The following EYS variants were observed in gnomAD, a reference collection of about 807,000 sequenced individuals.
EYS encodes the protein protein eyes shut homolog.
EYS carries 250 observed loss-of-function variants against 282.1 expected under a neutral mutation model. That is an observed-to-expected ratio of 0.89 (90% CI 0.80 to 0.98). The LOEUF (loss-of-function observed/expected upper bound fraction) is 0.98. Among genes scored for constraint, EYS ranks in the 50% least tolerant of loss-of-function variants. The pLI is 0.00. For synonymous variants in EYS, 1,355 were observed against 1,282.9 expected (o/e 1.06, Z -1.20); for missense variants, 4,016 against 3,709.0 (o/e 1.08, Z -2.15).
chr6:64,578,905 T>C (rs1765974996), intron 26 of EYS, among the ~76,000 whole-genome samples: 1 of 152,140 alleles, frequency 6.6e-6, no homozygotes, highest in Admixed American at 6.6e-5. Context: ...TTTCAAAATA[T>C]TGCTGATTGA....
At chr6:65,579,959 A>G (rs1037260533) in intron 2 of EYS, among the ~76,000 whole-genome samples, 1 of 152,154 alleles carries the variant, frequency 6.6e-6, no homozygotes. Flanking sequence ...GGTAAGTTAC[A>G]TAAAATTTAA....
intron 26 of EYS, among the ~76,000 whole-genome samples, chr6:64,452,113 C>A (rs534926113): frequency 6.6e-6 from 1 of 152,082 alleles, no homozygotes; most frequent in African/African-American, 2.4e-5. Flanking sequence ...GAAAACCCCT[C>A]GTCTCAGCCC....
chr6:63,814,598 T>C (rs1771131133), intron 36 of EYS, among the ~76,000 whole-genome samples: 2 of 152,208 alleles, frequency 1.3e-5, no homozygotes, highest in Non-Finnish European at 2.9e-5. Flanking sequence ...CATTATAATT[T>C]CCACCAGCAA....
chr6:65,577,119 T>C (rs1764697801), intron 2 of EYS, among the ~76,000 whole-genome samples: 1 of 151,876 alleles, frequency 6.6e-6, no homozygotes, highest in African/African-American at 2.4e-5. Context: ...GCCAAAGCAA[T>C]CTTGAGTAAA....
chr6:65,258,255 A>G (rs77882164), intron 12 of EYS, among the ~76,000 whole-genome samples: 4,534 of 152,052 alleles, frequency 0.03, 88 homozygotes, highest in South Asian at 0.045. Flanking sequence ...AAGTGGGGGG[A>G]AAAATCCACT....
chr6:64,677,803 A>G (rs1769746953), intron 22 of EYS, among the ~76,000 whole-genome samples: 2 of 152,158 alleles, frequency 1.3e-5, no homozygotes, highest in Non-Finnish European at 1.5e-5. Flanking sequence ...CACCTCATCA[A>G]ATCAATATGA....
At chr6:64,661,689 T>C (rs987923707) in intron 22 of EYS, among the ~76,000 whole-genome samples, 5 of 142,570 alleles carry the variant, frequency 3.5e-5, no homozygotes, top group Non-Finnish European at 7.6e-5. Flanking sequence ...TGAGATACCA[T>C]CTCACACCAG....
chr6:65,668,870 G>A (rs1239476962), intron 1 of EYS, among the ~76,000 whole-genome samples: 1 of 151,804 alleles, frequency 6.6e-6, no homozygotes, highest in African/African-American at 2.4e-5. Context: ...GCTGCTTTAA[G>A]CTTTTGAAAA....
At chr6:65,388,136 T>C (rs1317519808) in intron 7 of EYS, among the ~76,000 whole-genome samples, 1 of 152,044 alleles carries the variant, frequency 6.6e-6, no homozygotes, top group African/African-American at 2.4e-5. Context: ...GGTCACTGCC[T>C]GGATTTCAGG....
At chr6:63,904,443 T>C (rs1773727928) in intron 35 of EYS, among the ~76,000 whole-genome samples, 1 of 152,182 alleles carries the variant, frequency 6.6e-6, no homozygotes, top group Non-Finnish European at 1.5e-5. Context: ...AAGCATAGGT[T>C]AGGGTTCAAT....
At chr6:63,767,903 A>G (rs180859038) in intron 40 of EYS, among the ~76,000 whole-genome samples, 38 of 152,162 alleles carry the variant, frequency 2.5e-4, no homozygotes, top group Admixed American at 1.8e-3. Context: ...CTGGACAGAG[A>G]ACATAGAAAT....
intron 14 of EYS, among the ~76,000 whole-genome samples, chr6:64,995,953 G>T (rs916699158): frequency 6.6e-6 from 1 of 152,154 alleles, no homozygotes; most frequent in African/African-American, 2.4e-5. Flanking sequence ...TGTCAGGTCT[G>T]AAAGTGGAAT....
At chr6:64,806,624 AAG>A (rs1695506869) in intron 22 of EYS, among the ~76,000 whole-genome samples, 4 of 152,280 alleles carry the variant, frequency 2.6e-5, no homozygotes, top group Admixed American at 2.6e-4. Flanking sequence ...TCAAGGTAGA[AAG>A]AGTAATAAAG....
intron 22 of EYS, among the ~76,000 whole-genome samples, chr6:64,631,880 TG>T (rs1218325738): frequency 0.027 from 4,071 of 152,108 alleles, 191 homozygotes; most frequent in African/African-American, 0.093. Context: ...TTAATTTAAA[TG>T]AGACTTAATT....
chr6:64,131,056 CAG>C (rs1453855674), intron 31 of EYS, among the ~76,000 whole-genome samples: 2 of 152,002 alleles, frequency 1.3e-5, no homozygotes, highest in Non-Finnish European at 2.9e-5. Flanking sequence ...TTAGTAGAGA[CAG>C]AGTTTCACCA....
intron 16 of EYS, among the ~76,000 whole-genome samples, chr6:64,909,280 G>T (rs1273918943): frequency 6.6e-6 from 1 of 152,040 alleles, no homozygotes; most frequent in Admixed American, 6.6e-5. Flanking sequence ...ATTTGTGTAT[G>T]GAGTACAGTT....
At chr6:63,811,272 T>G (rs1771039476) in intron 36 of EYS, among the ~76,000 whole-genome samples, 1 of 152,242 alleles carries the variant, frequency 6.6e-6, no homozygotes, top group Non-Finnish European at 1.5e-5. Flanking sequence ...CATGCTCGAT[T>G]TTATTCCAGT....
At chr6:65,517,735 GTACAGGCA>G (rs1362890388) in intron 2 of EYS, among the ~76,000 whole-genome samples, 1 of 152,022 alleles carries the variant, frequency 6.6e-6, no homozygotes, top group Non-Finnish European at 1.5e-5. Flanking sequence ...GTAAAGGTAA[GTACAGGCA>G]TACAGGACAC....
Position 65,416,758 on chromosome 6 carries a change from C to T in EYS, c.863-11391G>A, listed in dbSNP as rs1767257263. 2.0e-5 allele frequency among the ~76,000 whole-genome samples: 3 copies of T among 151,878 alleles called. 1 individual carries two copies. Among genetic ancestry groups the T allele is most frequent in the Non-Finnish European group, 1.5e-5 (1 of 67,848 alleles). On this transcript the variant is annotated intron_variant, in intron 5 of 42. Coordinates refer to ENST00000503581, the MANE Select transcript of EYS (RefSeq NM_001142800.2). The stretch of plus-strand genomic sequence containing the variant: ...TTTATTCACTCAAGTTCGTTTTAGT[C>T]TACTTTCCTGTAAGAATGAAGCTAT...
Sources: gnomAD v4.1 joint callset for allele counts (sites outside exome capture counted in the v4.1 genomes callset) on GRCh38, gnomAD v4.1.1 for gene constraint, MANE v1.5 for transcripts, NCBI Gene and HGNC (gene_info 2026-07-23, HGNC 2026-07-21) for gene names.